The following SLC25A26 variants were observed in gnomAD, a reference collection of about 807,000 sequenced individuals.
SLC25A26 encodes the protein solute carrier family 25 member 26.
SLC25A26 carries 36 observed loss-of-function variants against 37.8 expected under a neutral mutation model. The ratio of observed to expected loss-of-function variants is 0.95; its 90% CI spans 0.73 to 1.26. SLC25A26 has a LOEUF of 1.26. Among genes scored for constraint, SLC25A26 ranks in the 50% most tolerant of loss-of-function variants. SLC25A26 has a pLI of 0.00. For synonymous variants in SLC25A26, 129 were observed against 122.5 expected (o/e 1.05, Z -0.35); for missense variants, 390 against 331.1 (o/e 1.18, Z -1.38).
At chr3:66,288,924 C>G (rs2074608244) in intron 5 of SLC25A26, among the ~76,000 whole-genome samples, 1 of 152,186 alleles carries the variant, frequency 6.6e-6, no homozygotes, top group African/African-American at 2.4e-5. Context: ...AATGGTTGAA[C>G]TAATTTACAC....
chr3:66,373,691 T>A (rs1377970459), intron 9 of SLC25A26, among the ~76,000 whole-genome samples: 4 of 146,000 alleles, frequency 2.7e-5, no homozygotes, highest in African/African-American at 5.3e-5. Flanking sequence ...TTTTTTTTTT[T>A]AAGCAAGTGT....
intron 6 of SLC25A26, among the ~76,000 whole-genome samples, chr3:66,355,288 T>C (rs1418494152): frequency 1.3e-5 from 2 of 151,998 alleles, no homozygotes; most frequent in South Asian, 2.1e-4. Context: ...TTATCTAGAA[T>C]GCAAATATCT....
At chr3:66,282,027 C>G (rs553080258) in intron 5 of SLC25A26, among the ~76,000 whole-genome samples, 3 of 85,954 alleles carry the variant, frequency 3.5e-5, no homozygotes, top group African/African-American at 5.7e-5. Flanking sequence ...TTTTTTGAGA[C>G]GGAGTCTCGC....
intron 2 of SLC25A26, among the ~76,000 whole-genome samples, chr3:66,238,382 A>G (rs1350280031): frequency 1.3e-5 from 2 of 151,918 alleles, no homozygotes; most frequent in African/African-American, 4.8e-5. Context: ...TTTTATTATT[A>G]TTATTATTAT....
intron 5 of SLC25A26, among the ~76,000 whole-genome samples, chr3:66,307,205 A>T (rs138514060): frequency 0.012 from 1,816 of 152,224 alleles, 43 homozygotes; most frequent in African/African-American, 0.041. Context: ...TTGTAACTGG[A>T]GTGAGATGGT....
chr3:66,254,885 A>C (rs2073239958), intron 3 of SLC25A26, among the ~76,000 whole-genome samples: 1 of 152,242 alleles, frequency 6.6e-6, no homozygotes, highest in Non-Finnish European at 1.5e-5. Flanking sequence ...AAGAAGATGT[A>C]ATGTTAATAA....
intron 1 of SLC25A26, among the ~76,000 whole-genome samples, chr3:66,190,502 C>T (rs1322589372): frequency 6.6e-6 from 1 of 152,154 alleles, no homozygotes; most frequent in Non-Finnish European, 1.5e-5. Flanking sequence ...AGTCTCGGCT[C>T]ACTACAACCT....
intron 1 of SLC25A26, among the ~76,000 whole-genome samples, chr3:66,224,435 C>G (rs1033953670): frequency 4.6e-5 from 7 of 152,202 alleles, no homozygotes. Context: ...ATAAAACCAT[C>G]AGATCCTGTG....
At position 66,246,233 on chromosome 3, in the gene SLC25A26, C is replaced by A. The variant is rs78883818; in HGVS notation, c.300+2921C>A. Among the ~76,000 whole-genome samples the A allele has an allele frequency of 2.4e-4, 36 of 152,258 alleles. 2 individuals carry two copies. The East Asian group carries it at 6.0e-3, about 25-fold the overall frequency. On this transcript the variant is annotated intron_variant, in intron 3 of 9. Transcript: ENST00000354883. The stretch of plus-strand genomic sequence containing the variant: ...AGTTAGTCTGGAGTATGTATACTTA[C>A]ATTTGTTGGTACATTGTTGAGAGCA...
rs74185176 is a variant in SLC25A26, at chr3:66,230,805, C to CAAA, written c.34-5727_34-5725dup. On this transcript the variant is annotated intron_variant, in intron 1 of 9. Transcript: ENST00000354883. ...GGGCAACAAGAGCAAAACTCTGTCTCAAAAAAAAAAAAAACAAAAAAAAAC... is the reference window on the plus strand; with the variant it reads ...GGGCAACAAGAGCAAAACTCTGTCTCAAAAAAAAAAAAAAAAACAAAAAAAAAC... Among the ~76,000 whole-genome samples the CAAA allele has an allele frequency of 2.0e-3, 108 of 53,340 alleles. 4 individuals are homozygous for CAAA. The highest frequency in any genetic ancestry group is 2.5e-3 in the Non-Finnish European group (87 of 34,584). The allele number at this position is 53,340 out of a possible 152,430, so 35.0% of individuals were successfully genotyped here. A position where few individuals can be genotyped will look rare whatever the true frequency, so the allele number is the denominator to read the frequency against.
intron 5 of SLC25A26, among the ~76,000 whole-genome samples, chr3:66,274,923 A>G (rs974798145): frequency 3.3e-5 from 5 of 152,122 alleles, no homozygotes; most frequent in African/African-American, 1.2e-4. Context: ...AGGACTATAA[A>G]TCATGCTGCT....
In SLC25A26 at chr3:66,246,501, A is replaced by T. The variant is rs186096841; in HGVS notation, c.300+3189A>T. Among the ~76,000 whole-genome samples the T allele has an allele frequency of 2.5e-3, 382 of 152,326 alleles. 1 individual carries two copies. The highest frequency in any genetic ancestry group is 7.8e-3 in the African/African-American group (324 of 41,566). ...CCTAGTATCTGTAACTAATATTTTTAAAAAATTGGAGCCTTGGAAAAGGCT... is the reference window on the plus strand; with the variant it reads ...CCTAGTATCTGTAACTAATATTTTTTAAAAATTGGAGCCTTGGAAAAGGCT... On this transcript the variant is annotated intron_variant, in intron 3 of 9. Coordinates refer to ENST00000354883, the MANE Select transcript of SLC25A26 (RefSeq NM_001379210.1).
intron 5 of SLC25A26, among the ~76,000 whole-genome samples, chr3:66,264,093 A>G (rs555519304): frequency 1.3e-5 from 2 of 152,228 alleles, no homozygotes; most frequent in Admixed American, 1.3e-4. Flanking sequence ...CCTGGCCAAC[A>G]TGACGAAACC....
In SLC25A26 at chr3:66,236,720, C is replaced by G; in HGVS notation, c.190+20C>G. On this transcript the variant is annotated intron_variant, in intron 2 of 9. Transcript: ENST00000354883. Reference sequence around the variant, plus strand: ...CTAATGGTAAAAAATTATATTCTCACTTCTGTAAAGCCAAGATAAGATGGG... The same window carrying G: ...CTAATGGTAAAAAATTATATTCTCAGTTCTGTAAAGCCAAGATAAGATGGG... The G allele has an allele frequency of 6.7e-7, 1 of 1,484,918 alleles. No homozygotes were observed. The highest frequency in any genetic ancestry group is 9.0e-7 in the Non-Finnish European group (1 of 1,108,668). The allele number at this position is 1,484,918 out of a possible 1,614,324, so 92.0% of individuals were successfully genotyped here.
At chr3:66,280,887 ACTT>A (rs2074313253) in intron 5 of SLC25A26, among the ~76,000 whole-genome samples, 1 of 152,136 alleles carries the variant, frequency 6.6e-6, no homozygotes, top group Non-Finnish European at 1.5e-5. Context: ...ATGGAGTCCT[ACTT>A]CTCATAACTA....
intron 1 of SLC25A26, among the ~76,000 whole-genome samples, chr3:66,146,602 A>C (rs2070118102): frequency 6.6e-6 from 1 of 152,168 alleles, no homozygotes; most frequent in Non-Finnish European, 1.5e-5. Flanking sequence ...AACTGTAATG[A>C]CATTAATTCA....
intron 1 of SLC25A26, among the ~76,000 whole-genome samples, chr3:66,189,413 C>G (rs1045768175): frequency 6.6e-6 from 1 of 151,974 alleles, no homozygotes. Context: ...CTAAAGCTCA[C>G]CATCATCATG....
chr3:66,279,746 T>C (rs570823127), intron 5 of SLC25A26, among the ~76,000 whole-genome samples: 1 of 152,290 alleles, frequency 6.6e-6, no homozygotes, highest in Admixed American at 6.5e-5. Flanking sequence ...TGGAAATAAG[T>C]GGTTAAATTG....
chr3:66,333,931 G>T (rs535151740), intron 5 of SLC25A26, among the ~76,000 whole-genome samples: 7 of 152,292 alleles, frequency 4.6e-5, no homozygotes, highest in East Asian at 1.9e-4. Flanking sequence ...AGGTCCCGGG[G>T]CTGTGTTCTG....
Sources: allele counts gnomAD v4.1 joint callset (sites outside exome capture counted in the v4.1 genomes callset), GRCh38; gene constraint gnomAD v4.1.1; transcripts MANE v1.5; gene names NCBI Gene and HGNC (gene_info 2026-07-23, HGNC 2026-07-21).